Variants in QSOX1 observed in about 807,000 individuals in gnomAD.
QSOX1 encodes quiescin sulfhydryl oxidase 1, also known as sulfhydryl oxidase 1.
A neutral mutation model predicts 76.1 loss-of-function variants in QSOX1; 40 were observed. That is an observed-to-expected ratio of 0.53 (90% confidence interval 0.41 to 0.68). The LOEUF is 0.68. Ranked by LOEUF, QSOX1 falls within the 30% of genes least tolerant of loss-of-function variation. QSOX1 has a pLI of 0.00. For missense variants in QSOX1, 931 were observed against 974.3 expected (o/e 0.96, Z 0.59); for synonymous variants, 392 against 413.1 (o/e 0.95, Z 0.62).
At chr1:180,174,115 C>T (rs988577090) in intron 2 of QSOX1, among the ~76,000 whole-genome samples, 11 of 152,230 alleles carry the variant, frequency 7.2e-5, no homozygotes, top group Admixed American at 3.3e-4. Flanking sequence ...AAAGTGGCCC[C>T]GAGGCTAGAG....
At chr1:180,177,316 C>T (rs1396968002) in intron 4 of QSOX1, among the ~76,000 whole-genome samples, 2 of 150,632 alleles carry the variant, frequency 1.3e-5, no homozygotes, top group Admixed American at 6.6e-5. Flanking sequence ...TGCAGCGGCA[C>T]GATCTTGGCT....
rs1239502893 is a variant in QSOX1 at position 180,184,007 on chromosome 1, A to AC, written c.845dup (p.Ala283CysfsTer2). ...TGCCCAGACCACAGTTGCACCAACC[A>AC]CTGCTAACAAGATAGCTCCCACTGT... On this transcript the variant is annotated frameshift_variant, in exon 7 of 12. Transcript: ENST00000367602. LOFTEE classifies it high-confidence loss of function. The AC allele has an allele frequency of 6.2e-7, 1 of 1,614,180 alleles. No homozygotes were observed. Among genetic ancestry groups the AC allele is most frequent in the Non-Finnish European group, 8.5e-7 (1 of 1,180,024 alleles).
At chr1:180,194,189 C>A (rs371038206) in intron 10 of QSOX1, 24 bp from the exon 11 acceptor site, 10 of 1,591,418 alleles carry the variant, frequency 6.3e-6, no homozygotes, top group Middle Eastern at 2.1e-4. Context: ...AGGGCTGGTG[C>A]GTGGCATCTC....
Position 180,178,848 on chromosome 1 carries a change from G to A in QSOX1, c.570G>A (p.Leu190=). 1 of 1,614,002 alleles carries A rather than the reference G, an allele frequency of 6.2e-7. No homozygotes were observed. Among genetic ancestry groups the A allele is most frequent in the South Asian group, 1.1e-5 (1 of 91,076 alleles). The change falls in exon 5 of 12, where the codon CTG becomes CTA. Residue 190 remains leucine (L), a synonymous_variant. Transcript: ENST00000367602. ...FARNNEEYLA[L]IFEKGGSYLG... Reference sequence around the variant, plus strand: ...GAAATAACGAAGAGTACCTGGCTCTGATCTTTGAAAAGGGAGGCTCCTACC... The same window carrying A: ...GAAATAACGAAGAGTACCTGGCTCTAATCTTTGAAAAGGGAGGCTCCTACC...
intron 1 of QSOX1, among the ~76,000 whole-genome samples, chr1:180,164,477 C>T (rs982724649): frequency 6.6e-6 from 1 of 152,202 alleles, no homozygotes; most frequent in Non-Finnish European, 1.5e-5. Flanking sequence ...AGCAGACTAC[C>T]AGCAAGAAAG....
In QSOX1 at chr1:180,175,379, CTCTGGTTG is replaced by C. The variant is rs750982617; in HGVS notation, c.412+16_412+23del. The C allele has an allele frequency of 4.3e-6, 7 of 1,613,002 alleles. No individual in the cohort carries two copies. The Admixed American group carries it at 1.2e-4, about 27-fold the overall frequency. ...GCAGTATTTCCAGGTGGGTGCCCAG[CTCTGGTTG>C]TCCTGTTAGCATCTTCCTCCCCCAA... On this transcript the variant is annotated intron_variant, in intron 3 of 11. Transcript: ENST00000367602.
At chr1:180,193,443 A>AG (rs1342291074) in intron 10 of QSOX1, among the ~76,000 whole-genome samples, 4 of 151,704 alleles carry the variant, frequency 2.6e-5, no homozygotes, top group Non-Finnish European at 5.9e-5. Context: ...TGAGGAGAGT[A>AG]GGGTGCCAAC....
At chr1:180,173,647 G>T (rs61826661) in intron 2 of QSOX1, among the ~76,000 whole-genome samples, 20,537 of 152,166 alleles carry the variant, frequency 0.13, 1,513 homozygotes, top group Middle Eastern at 0.21. Context: ...CCTCATGTGG[G>T]AGAGGGTAGC....
At chr1:180,172,639 T>A (rs988226878) in intron 2 of QSOX1, among the ~76,000 whole-genome samples, 16 of 152,152 alleles carry the variant, frequency 1.1e-4, no homozygotes, top group African/African-American at 3.9e-4. Context: ...CCTGCCTCAG[T>A]CTCCTGAGTA....
rs1663570724 is a variant in QSOX1 at position 180,198,892 on chromosome 1, G to A, written c.*1855G>A. The A allele has an allele frequency of 6.1e-6, 1 of 164,648 alleles. No homozygotes were observed. The highest frequency in any genetic ancestry group is 1.3e-5 in the Non-Finnish European group (1 of 74,438). 10.2% of individuals were successfully genotyped at this position (164,648 alleles called of 1,614,324 possible). ...CCACTGCACCAAGGCCGCTGAATAA[G>A]CCTGCCCTTCACCCCCTAAGGGCTC... On this transcript the variant is annotated 3_prime_UTR_variant, in exon 12 of 12. Coordinates refer to ENST00000367602, the MANE Select transcript of QSOX1 (RefSeq NM_002826.5).
Position 180,197,483 on chromosome 1 carries a change from C to T in QSOX1, c.*446C>T. The T allele has an allele frequency of 7.7e-7, 1 of 1,300,536 alleles. No individual in the cohort carries two copies. The highest frequency in any genetic ancestry group is 1.1e-6 in the Non-Finnish European group (1 of 918,188). The allele number at this position is 1,300,536 out of a possible 1,614,324, so 80.6% of individuals were successfully genotyped here. On this transcript the variant is annotated 3_prime_UTR_variant, in exon 12 of 12. Transcript: ENST00000367602. ...CACTAGCTGCTGGGGCTCCGCCCAC[C>T]CTGCTCCCTTCCGGACAATGAAGAA...
At chr1:180,182,360 T>C in intron 6 of QSOX1, 41 bp downstream of exon 6, 1 of 1,609,672 alleles carries the variant, frequency 6.2e-7, no homozygotes, top group Non-Finnish European at 8.5e-7. Context: ...CGTCCCTCCC[T>C]GTGCTCATCC....
intron 1 of QSOX1, among the ~76,000 whole-genome samples, chr1:180,159,629 G>T (rs960744750): frequency 1.3e-5 from 2 of 152,160 alleles, no homozygotes; most frequent in Non-Finnish European, 2.9e-5. Flanking sequence ...TGGTTATTTC[G>T]GTCCCTTTTA....
chr1:180,169,770 C>G (rs1396279314), intron 2 of QSOX1, among the ~76,000 whole-genome samples: 1 of 152,256 alleles, frequency 6.6e-6, no homozygotes, highest in Non-Finnish European at 1.5e-5. Flanking sequence ...CAGCACCGCA[C>G]TCACCACTGC....
chr1:180,155,012 C>G lies in QSOX1; in HGVS notation c.105C>G (p.Leu35=), dbSNP rs996968588. 2 of 1,513,016 alleles carry G rather than the reference C, an allele frequency of 1.3e-6. No individual in the cohort carries two copies. The highest frequency in any genetic ancestry group is 1.8e-6 in the Non-Finnish European group (2 of 1,138,114). The allele number at this position is 1,513,016 out of a possible 1,614,324, so 93.7% of individuals were successfully genotyped here. A position where few individuals can be genotyped will look rare whatever the true frequency, so the allele number is the denominator to read the frequency against. ...CTAACGCGGCCCCGCGGTCGGCGCT[C>G]TATTCGCCTTCCGACCCGCTGACGC... ...PGANAAPRSA[L]YSPSDPLTLL... is the part of the protein sequence containing the mutation. The change falls in exon 1 of 12, where the codon CTC becomes CTG. Residue 35 remains leucine, a synonymous_variant. Transcript: ENST00000367602.
chr1:180,189,659 G>T lies in QSOX1; in HGVS notation c.1125G>T (p.Leu375=), dbSNP rs776101885. 2 of 1,612,808 alleles carry T rather than the reference G, an allele frequency of 1.2e-6. No homozygotes were observed. Among genetic ancestry groups the T allele is most frequent in the South Asian group, 2.2e-5 (2 of 91,016 alleles). ...KIPYSFFKTA[L]DDRKEGAVLA... is the part of the protein sequence containing the mutation. ...CCTACAGTTTCTTTAAAACTGCCCT[G>T]GACGACAGGAAAGAGGTGAGTCTGG... The change falls in exon 9 of 12, where the codon CTG becomes CTT. Residue 375 remains leucine (L), a synonymous_variant. Transcript: ENST00000367602.
At chr1:180,189,474 A>T in intron 8 of QSOX1, 78 bp from the exon 9 acceptor site, 1 of 562,884 alleles carries the variant, frequency 1.8e-6, no homozygotes, top group Non-Finnish European at 2.5e-6. Flanking sequence ...TCTTCTGCAT[A>T]GCTTCCTACC....
intron 8 of QSOX1, 69 bp from the exon 9 acceptor site, chr1:180,189,483 C>T: frequency 9.6e-7 from 1 of 1,045,204 alleles, no homozygotes; most frequent in Admixed American, 2.4e-5. Flanking sequence ...TAGCTTCCTA[C>T]CATCTGCAGG....
chr1:180,176,297 G>A (rs1045226602), intron 4 of QSOX1, among the ~76,000 whole-genome samples: 13 of 152,220 alleles, frequency 8.5e-5, no homozygotes, highest in African/African-American at 1.9e-4. Context: ...CATCCCACCA[G>A]GTGGGAAGGA....
Sources: gnomAD v4.1 joint callset for allele counts (sites outside exome capture counted in the v4.1 genomes callset) on GRCh38, gnomAD v4.1.1 for gene constraint, MANE v1.5 for transcripts, NCBI Gene and HGNC (gene_info 2026-07-23, HGNC 2026-07-21) for gene names.